The following CPNE8 variants were observed in gnomAD, a reference collection of about 807,000 sequenced individuals.
The protein encoded by CPNE8 is copine 8.
In CPNE8, 45 loss-of-function variants were observed where a neutral mutation model predicts 81.5. The ratio of observed to expected loss-of-function variants is 0.55; its 90% CI spans 0.44 to 0.71. CPNE8 has a LOEUF of 0.71. Ranked by LOEUF, CPNE8 falls within the 30% of genes least tolerant of loss-of-function variation. The probability of loss-of-function intolerance (pLI) is 0.00; values close to 1 mark genes in which losing one functional copy is unlikely to be tolerated. For missense variants in CPNE8, 594 were observed against 672.1 expected (o/e 0.88, Z 1.28); for synonymous variants, 252 against 226.3 (o/e 1.11, Z -1.02).
intron 4 of CPNE8, among the ~76,000 whole-genome samples, chr12:38,841,684 A>G (rs184035059): frequency 2.0e-5 from 3 of 152,330 alleles, no homozygotes; most frequent in South Asian, 2.1e-4. Flanking sequence ...TGATTCAGCA[A>G]TAAGTATATA....
chr12:38,719,237 C>T (rs1203993993), intron 13 of CPNE8, among the ~76,000 whole-genome samples: 6 of 152,068 alleles, frequency 3.9e-5, no homozygotes, highest in Non-Finnish European at 2.9e-5. Context: ...TGCCTGTCAC[C>T]GTATAACACA....
chr12:38,768,543 C>T (rs1393963779), intron 7 of CPNE8, among the ~76,000 whole-genome samples: 3 of 141,158 alleles, frequency 2.1e-5, no homozygotes, highest in Non-Finnish European at 4.9e-5. Flanking sequence ...CTGTTTGAGA[C>T]GGAGTCTTGC....
At chr12:38,834,129 T>C (rs1943344100) in intron 5 of CPNE8, among the ~76,000 whole-genome samples, 1 of 152,174 alleles carries the variant, frequency 6.6e-6, no homozygotes, top group African/African-American at 2.4e-5. Flanking sequence ...CGACATGTCC[T>C]AGCTGGCTTT....
At chr12:38,681,682 T>C (rs1302156297) in intron 16 of CPNE8, among the ~76,000 whole-genome samples, 1 of 152,204 alleles carries the variant, frequency 6.6e-6, no homozygotes, top group Non-Finnish European at 1.5e-5. Context: ...AATACTCACG[T>C]AAGGCTGCAG....
chr12:38,796,388 TA>T (rs1942474107), intron 6 of CPNE8, among the ~76,000 whole-genome samples: 1 of 152,194 alleles, frequency 6.6e-6, no homozygotes, highest in African/African-American at 2.4e-5. Context: ...AAAATTTCTT[TA>T]ACAAGTCATA....
At chr12:38,737,824 TC>T (rs2136783872) in intron 10 of CPNE8, among the ~76,000 whole-genome samples, 1 of 23,674 alleles carries the variant, frequency 4.2e-5, no homozygotes, top group Admixed American at 3.9e-4. Flanking sequence ...ACATACTCAT[TC>T]TCTCTCTCTC....
intron 10 of CPNE8, among the ~76,000 whole-genome samples, chr12:38,745,954 G>A (rs1261768070): frequency 6.6e-6 from 1 of 152,080 alleles, no homozygotes; most frequent in Non-Finnish European, 1.5e-5. Flanking sequence ...ACCACATCCT[G>A]AGCATCCTGA....
intron 10 of CPNE8, among the ~76,000 whole-genome samples, chr12:38,746,925 T>C (rs1226276322): frequency 1.3e-5 from 2 of 152,166 alleles, no homozygotes; most frequent in African/African-American, 4.8e-5. Flanking sequence ...CTTAATTAAA[T>C]GAATGAGGAA....
At chr12:38,873,895 C>T (rs1944025752) in intron 2 of CPNE8, among the ~76,000 whole-genome samples, 1 of 152,120 alleles carries the variant, frequency 6.6e-6, no homozygotes. Flanking sequence ...TGGTTCATAT[C>T]AGATGTTACA....
intron 3 of CPNE8, among the ~76,000 whole-genome samples, chr12:38,854,209 C>G (rs1039906893): frequency 1.3e-5 from 2 of 151,878 alleles, no homozygotes; most frequent in African/African-American, 4.8e-5. Flanking sequence ...CAAACACACA[C>G]AGCTACACAC....
chr12:38,772,928 T>TATAC (rs1555156571), intron 7 of CPNE8, among the ~76,000 whole-genome samples: 5 of 151,000 alleles, frequency 3.3e-5, no homozygotes, highest in African/African-American at 1.2e-4. Flanking sequence ...ATAAAATTTA[T>TATAC]ACACACACAC....
chr12:38,688,947 A>C (rs1164900136), intron 15 of CPNE8, among the ~76,000 whole-genome samples: 2 of 152,178 alleles, frequency 1.3e-5, no homozygotes, highest in Admixed American at 1.3e-4. Context: ...GTTCCCCCAA[A>C]ACTAGTGAAA....
chr12:38,896,985 A>T (rs1944396805), intron 1 of CPNE8, among the ~76,000 whole-genome samples: 1 of 152,100 alleles, frequency 6.6e-6, no homozygotes, highest in African/African-American at 2.4e-5. Flanking sequence ...ACTTTATTTC[A>T]TTTACTCATC....
At chr12:38,902,340 G>T in intron 1 of CPNE8, among the ~76,000 whole-genome samples, 1 of 67,092 alleles carries the variant, frequency 1.5e-5, no homozygotes, top group East Asian at 3.6e-4. Flanking sequence ...AAGAAAGAAA[G>T]AAAGAAAGAA....
chr12:38,889,634 C>G (rs140174685), intron 1 of CPNE8, among the ~76,000 whole-genome samples: 1 of 152,108 alleles, frequency 6.6e-6, no homozygotes, highest in African/African-American at 2.4e-5. Flanking sequence ...ATGTCATTTG[C>G]CCTTTTTGAG....
At chr12:38,851,173 C>A (rs1286601621) in intron 3 of CPNE8, among the ~76,000 whole-genome samples, 1 of 152,206 alleles carries the variant, frequency 6.6e-6, no homozygotes, top group African/African-American at 2.4e-5. Flanking sequence ...TATTCTGTTA[C>A]AGCAACACAA....
At chr12:38,658,969 T>G (rs1938889762) in intron 19 of CPNE8, among the ~76,000 whole-genome samples, 1 of 152,134 alleles carries the variant, frequency 6.6e-6, no homozygotes, top group Non-Finnish European at 1.5e-5. Flanking sequence ...AGACCATCAA[T>G]GCTATGAAGA....
At position 38,706,335 on chromosome 12, in the gene CPNE8, C is replaced by T. The variant is rs540284718; in HGVS notation, c.915-3414G>A. On this transcript the variant is annotated intron_variant, in intron 13 of 19. Coordinates refer to ENST00000331366, the MANE Select transcript of CPNE8 (RefSeq NM_153634.3). ...ACCCAAATTTGATCTGAATATTTTA[C>T]GAAGTTTGCTGAAACCTGTGTTCTA... 7.2e-5 allele frequency among the ~76,000 whole-genome samples: 11 copies of T among 152,076 alleles called. No homozygotes were observed. The South Asian group carries it at 8.3e-4, about 11-fold the overall frequency.
chr12:38,802,796 T>A (rs1167641052), intron 6 of CPNE8, among the ~76,000 whole-genome samples: 1 of 137,104 alleles, frequency 7.3e-6, no homozygotes, highest in Non-Finnish European at 1.6e-5. Flanking sequence ...AAGAATCAAA[T>A]AGACACAATA....
Sources: gnomAD v4.1 joint callset for allele counts (sites outside exome capture counted in the v4.1 genomes callset) on GRCh38, gnomAD v4.1.1 for gene constraint, MANE v1.5 for transcripts, NCBI Gene and HGNC (gene_info 2026-07-23, HGNC 2026-07-21) for gene names.